Variants in MIGA1 observed in about 807,000 individuals in gnomAD.
The protein encoded by MIGA1 is mitoguardin 1.
In MIGA1, 58 loss-of-function variants were observed where a neutral mutation model predicts 82.0. That is an observed-to-expected ratio of 0.71 (90% CI 0.57 to 0.88). The LOEUF (loss-of-function observed/expected upper bound fraction) is 0.88, where lower values mean the gene tolerates loss of function less well. MIGA1 is among the 40% of genes least tolerant of loss of function. The pLI is 0.00. For missense variants in MIGA1, 751 were observed against 749.1 expected (o/e 1.00, Z -0.03); for synonymous variants, 249 against 253.6 (o/e 0.98, Z 0.17).
At chr1:77,806,923 A>C in intron 4 of MIGA1, 52 bp from the exon 5 acceptor site, 5 of 1,401,376 alleles carry the variant, frequency 3.6e-6, no homozygotes, top group Non-Finnish European at 4.9e-6. Context: ...AAAGATCACA[A>C]CATACTATCA....
At chr1:77,789,940 A>C (rs895395389) in intron 2 of MIGA1, among the ~76,000 whole-genome samples, 5 of 152,146 alleles carry the variant, frequency 3.3e-5, no homozygotes, top group Admixed American at 2.0e-4. Flanking sequence ...AACCCTCCCA[A>C]AAGTTCTTTG....
intron 10 of MIGA1, 167 bp downstream of exon 10, chr1:77,859,553 A>G: frequency 1.8e-6 from 1 of 553,632 alleles, no homozygotes; most frequent in East Asian, 2.8e-5. Flanking sequence ...ACTTGCCTTC[A>G]TTTGTTTCCA....
chr1:77,783,461 T>C, intron 2 of MIGA1, 110 bp downstream of exon 2: 1 of 528,012 alleles, frequency 1.9e-6, no homozygotes. Context: ...ACAGTCAAAA[T>C]ATTTATTACA....
chr1:77,857,053 C>T (rs1448447961), intron 8 of MIGA1, among the ~76,000 whole-genome samples: 1 of 152,092 alleles, frequency 6.6e-6, no homozygotes, highest in Non-Finnish European at 1.5e-5. Context: ...AGCTGTATCC[C>T]AGAGGTTTTG....
At position 77,875,114 on chromosome 1, in the gene MIGA1, A is replaced by T. The variant is rs754270029; in HGVS notation, c.*50A>T. 1 of 1,423,518 alleles carries T rather than the reference A, an allele frequency of 7.0e-7. No homozygotes were observed. The allele number at this position is 1,423,518 out of a possible 1,614,324, so 88.2% of individuals were successfully genotyped here. On this transcript the variant is annotated 3_prime_UTR_variant, in exon 16 of 16. Coordinates refer to ENST00000370791, the MANE Select transcript of MIGA1 (RefSeq NM_198549.4). ...AGTGTGCTATGAAATATTTTAAGGT[A>T]ACTATTGATTTTGTAACATATATTA...
chr1:77,816,623 CTT>C (rs1315634178), intron 7 of MIGA1, among the ~76,000 whole-genome samples: 1 of 152,152 alleles, frequency 6.6e-6, no homozygotes, highest in Non-Finnish European at 1.5e-5. Context: ...ATTTATTAGA[CTT>C]GAGTGTTTTT....
intron 14 of MIGA1, among the ~76,000 whole-genome samples, chr1:77,870,011 G>A (rs2101974418): frequency 7.6e-6 from 1 of 131,388 alleles, no homozygotes; most frequent in African/African-American, 2.9e-5. Context: ...CCGGGCAGAG[G>A]GGCTCCTCAC....
chr1:77,865,882 A>G (rs1571016099), intron 13 of MIGA1, among the ~76,000 whole-genome samples: 1 of 152,166 alleles, frequency 6.6e-6, no homozygotes, highest in East Asian at 1.9e-4. Flanking sequence ...ATATTTTCAA[A>G]CAATGTGAGG....
At chr1:77,790,235 A>G (rs912754902) in intron 2 of MIGA1, among the ~76,000 whole-genome samples, 11 of 152,208 alleles carry the variant, frequency 7.2e-5, no homozygotes, top group African/African-American at 1.9e-4. Context: ...GAACTCTTCT[A>G]TCACCTTAAA....
intron 14 of MIGA1, among the ~76,000 whole-genome samples, chr1:77,867,064 T>C (rs1028631029): frequency 2.6e-5 from 4 of 152,176 alleles, no homozygotes; most frequent in African/African-American, 9.7e-5. Context: ...AATAGCTGCT[T>C]TATTCAGTTT....
At chr1:77,808,927 T>G (rs1441268767) in intron 5 of MIGA1, among the ~76,000 whole-genome samples, 2 of 152,218 alleles carry the variant, frequency 1.3e-5, no homozygotes, top group African/African-American at 2.4e-5. Context: ...TCTAGGAAAC[T>G]TAACATTCAC....
chr1:77,844,028 G>C (rs1162008824), intron 8 of MIGA1, among the ~76,000 whole-genome samples: 18 of 149,066 alleles, frequency 1.2e-4, no homozygotes. Context: ...TTAAGCCCAA[G>C]AGGTCAAGAC....
At chr1:77,787,241 G>C (rs922545307) in intron 2 of MIGA1, among the ~76,000 whole-genome samples, 5 of 152,148 alleles carry the variant, frequency 3.3e-5, no homozygotes, top group African/African-American at 1.2e-4. Flanking sequence ...TGAGATTTGG[G>C]TGGGGACACA....
rs1309408492 is a variant in MIGA1 at position 77,870,039 on chromosome 1, C to T, written c.1564-2965C>T. On this transcript the variant is annotated intron_variant, in intron 14 of 15. Transcript: ENST00000370791. ...CTCCTCACTTCCCAGTAGGGGCGGC[C>T]GGGCAGAGGCGCCCCTCACCTCCCG... Among the ~76,000 whole-genome samples the T allele has an allele frequency of 1.1e-4, 13 of 117,106 alleles. No homozygotes were observed. In the East Asian group the frequency reaches 2.0e-3, roughly 18 times the overall value. The allele number at this position is 117,106 out of a possible 152,430, so 76.8% of individuals were successfully genotyped here.
At chr1:77,858,830 G>T (rs1169957120) in intron 8 of MIGA1, 108 bp from the exon 9 acceptor site, 1 of 654,346 alleles carries the variant, frequency 1.5e-6, no homozygotes, top group Non-Finnish European at 2.7e-6. Context: ...ATGTTACCCA[G>T]GCTGGTTTCA....
chr1:77,819,129 A>G (rs1417716760), intron 7 of MIGA1, among the ~76,000 whole-genome samples: 1 of 151,858 alleles, frequency 6.6e-6, no homozygotes, highest in Non-Finnish European at 1.5e-5. Context: ...CCCTACAACA[A>G]CTTTTAGGAT....
chr1:77,789,017 T>C (rs1327240168), intron 2 of MIGA1, among the ~76,000 whole-genome samples: 2 of 152,146 alleles, frequency 1.3e-5, no homozygotes, highest in Non-Finnish European at 2.9e-5. Context: ...ATCTTAACAA[T>C]GTTAAGTCTT....
Position 77,793,714 on chromosome 1 carries a change from C to T in MIGA1, c.196-7617C>T, listed in dbSNP as rs1005889796. On this transcript the variant is annotated intron_variant, in intron 2 of 15. Transcript: ENST00000370791. ...ACCTGACTTCAAGTGATCTGCCCAC[C>T]TCAGCCTCCCAAAGTGCTGGGATTA... Among the ~76,000 whole-genome samples the T allele has an allele frequency of 5.9e-5, 9 of 151,348 alleles. No homozygotes were observed. The East Asian group carries it at 9.7e-4, about 16-fold the overall frequency.
intron 7 of MIGA1, among the ~76,000 whole-genome samples, chr1:77,820,463 A>G (rs978012128): frequency 3.2e-4 from 48 of 152,186 alleles, no homozygotes; most frequent in Non-Finnish European, 7.3e-5. Context: ...CTTCTGAAAA[A>G]TTAACATATA....
Sources: allele counts gnomAD v4.1 joint callset (sites outside exome capture counted in the v4.1 genomes callset), GRCh38; gene constraint gnomAD v4.1.1; transcripts MANE v1.5; gene names NCBI Gene and HGNC (gene_info 2026-07-23, HGNC 2026-07-21).